Variants in BRD8 observed in about 807,000 individuals in gnomAD.
The protein encoded by BRD8 is bromodomain containing 8, also known as bromodomain-containing protein 8.
In BRD8, 67 loss-of-function variants were observed where a neutral mutation model predicts 143.1. The ratio of observed to expected loss-of-function variants is 0.47; its 90% CI spans 0.38 to 0.57. The LOEUF is 0.57. BRD8 is among the 20% of genes least tolerant of loss of function. The pLI, the probability that BRD8 is intolerant of heterozygous loss-of-function variation, is 0.00. For synonymous variants in BRD8, 505 were observed against 517.1 expected (o/e 0.98, Z 0.32); for missense variants, 1,103 against 1,503.0 (o/e 0.73, Z 4.40).
chr5:138,169,832 G>A (rs550794246), intron 7 of BRD8, among the ~76,000 whole-genome samples: 2 of 152,240 alleles, frequency 1.3e-5, no homozygotes, highest in East Asian at 1.9e-4. Flanking sequence ...GGTGGCAGCC[G>A]CCTGTAATGC....
chr5:138,159,938 C>T (rs1168763449), intron 19 of BRD8, 131 bp downstream of exon 19: 13 of 692,436 alleles, frequency 1.9e-5, no homozygotes, highest in Non-Finnish European at 3.0e-5. Context: ...CACCATCATT[C>T]TAAGATCTAT....
intron 23 of BRD8, among the ~76,000 whole-genome samples, chr5:138,149,352 C>A (rs955783397): frequency 1.3e-5 from 2 of 151,990 alleles, no homozygotes; most frequent in Non-Finnish European, 2.9e-5. Flanking sequence ...GTCCTGGGAT[C>A]AAGGGATCCT....
At position 138,165,278 on chromosome 5, in the gene BRD8, T is replaced by C. The variant is rs958384124; in HGVS notation, c.1279-112A>G. On this transcript the variant is annotated intron_variant, in intron 11 of 26. Coordinates refer to ENST00000254900, the MANE Select transcript of BRD8 (RefSeq NM_139199.2). ...ATCTGCAGCTTTTCGCTCCATTTTT[T>C]CCATGTAGTGGAGGCAAACAATGAA... 8.3e-6 allele frequency: 10 copies of C among 1,198,090 alleles called. No individual in the cohort carries two copies. In the African/African-American group the frequency reaches 1.4e-4, roughly 17 times the overall value. The allele number at this position is 1,198,090 out of a possible 1,614,324, so 74.2% of individuals were successfully genotyped here. A position where few individuals can be genotyped will look rare whatever the true frequency, so the allele number is the denominator to read the frequency against.
chr5:138,144,803 G>A (rs1752070979), intron 25 of BRD8, among the ~76,000 whole-genome samples: 1 of 150,758 alleles, frequency 6.6e-6, no homozygotes, highest in Admixed American at 6.7e-5. Flanking sequence ...TTGGGAGGCT[G>A]AGGCTGGAGA....
chr5:138,164,658 A>C, intron 12 of BRD8, 56 bp downstream of exon 12: 1 of 1,577,490 alleles, frequency 6.3e-7, no homozygotes, highest in Non-Finnish European at 8.6e-7. Flanking sequence ...CTAAGCTGTC[A>C]CTTCTTATCT....
In BRD8 at chr5:138,163,327, A is replaced by C. The variant is rs760386735; in HGVS notation, c.1890T>G (p.Asp630Glu). The change falls in exon 15 of 27, where the codon GAT (aspartate) becomes GAG (glutamate). Residue 630 changes from aspartate (D) to glutamate (E), a missense_variant. Transcript: ENST00000254900. ...CTTCACTGACACCATCTTCCTCCTC[A>C]TCCTCACCTGGGGCATCCTTAGATA... ...GSQIKDAPGE[D>E]EEEDGVSEAA... The C allele has an allele frequency of 6.2e-7, 1 of 1,614,016 alleles. No homozygotes were observed. Among genetic ancestry groups the C allele is most frequent in the South Asian group, 1.1e-5 (1 of 91,080 alleles).
Position 138,145,173 on chromosome 5 carries a change from T to G in BRD8, c.3437+4A>C, listed in dbSNP as rs376002557. 6.2e-7 allele frequency: 1 copy of G among 1,612,218 alleles called. No individual in the cohort carries two copies. Among genetic ancestry groups the G allele is most frequent in the Non-Finnish European group, 8.5e-7 (1 of 1,179,484 alleles). On this transcript the variant is annotated splice_donor_region_variant and intron_variant, in intron 25 of 26. Coordinates refer to ENST00000254900, the MANE Select transcript of BRD8 (RefSeq NM_139199.2). ...CAACCTTTCTTGACCCCTTTTTCAC[T>G]GACCTTTTCACCACATCCTTGTACC... is the stretch of plus-strand genomic sequence containing the variant.
At chr5:138,140,931 C>T (rs1460238418) in intron 25 of BRD8, 49 bp from the exon 26 acceptor site, 3 of 1,592,762 alleles carry the variant, frequency 1.9e-6, no homozygotes, top group South Asian at 1.1e-5. Flanking sequence ...TCATGTGGAA[C>T]ATATGATAAC....
Position 138,168,057 on chromosome 5 carries a change from C to T in BRD8, c.664G>A (p.Val222Met). The change falls in exon 9 of 27, where the codon GTG becomes ATG. Residue 222 changes from valine (V) to methionine (M), a missense_variant. Val to Met is a conservative substitution (Grantham distance 21, BLOSUM62 1). Coordinates refer to ENST00000254900, the MANE Select transcript of BRD8 (RefSeq NM_139199.2). The stretch of plus-strand genomic sequence containing the variant: ...GTACTGTTCAGGTGGCCAGAAGCCA[C>T]AGCCATTTCACTCTCATTGACCTAC... ...TSGVNESEMAVASGHLNSTGV... is the reference protein window; with the variant it reads ...TSGVNESEMAMASGHLNSTGV... 6.2e-7 allele frequency: 1 copy of T among 1,613,552 alleles called. No homozygotes were observed. The highest frequency in any genetic ancestry group is 8.5e-7 in the Non-Finnish European group (1 of 1,179,614).
At chr5:138,157,493 C>G in intron 20 of BRD8, 1 of 571,032 alleles carries the variant, frequency 1.8e-6, no homozygotes, top group East Asian at 3.0e-5. Flanking sequence ...ATGCCCACTA[C>G]AGAGGTCCTT....
At chr5:138,150,092 G>A (rs1752319720) in intron 22 of BRD8, among the ~76,000 whole-genome samples, 1 of 151,566 alleles carries the variant, frequency 6.6e-6, no homozygotes, top group South Asian at 2.1e-4. Context: ...TGTGGCCCTG[G>A]AGTTAACTAC....
rs753243869 is a variant in BRD8, at chr5:138,171,131, A to G, written c.266T>C (p.Val89Ala). The G allele has an allele frequency of 1.7e-5, 27 of 1,613,120 alleles. No homozygotes were observed. The highest frequency in any genetic ancestry group is 2.7e-5 in the African/African-American group (2 of 74,820). Residue 89 changes from valine (V) to alanine (A), a missense_variant, in exon 5 of 27, where the codon GTG becomes GCG. Around this residue, in one of 7 missense-constraint regions of BRD8, gnomAD observed 69 missense variants for 121.6 expected, o/e 0.57. Coordinates refer to ENST00000254900, the MANE Select transcript of BRD8 (RefSeq NM_139199.2). ...AACAATAACATCTTCAACAGTTTCC[A>G]CCACTTCTCCCTTTTCACCTCGTTT... Reference protein sequence around the residue: ...KRKRGEKGEVVETVEDVIVRK... With the variant: ...KRKRGEKGEVAETVEDVIVRK...
At chr5:138,172,221 T>C (rs1753921941) in intron 2 of BRD8, 87 bp from the exon 3 acceptor site, 1 of 1,150,948 alleles carries the variant, frequency 8.7e-7, no homozygotes, top group Non-Finnish European at 1.3e-6. Context: ...AGTTCAAACT[T>C]TGGAATAAAA....
At chr5:138,160,738 A>T (rs1012838545) in intron 18 of BRD8, among the ~76,000 whole-genome samples, 153 bp downstream of exon 18, 2 of 152,246 alleles carry the variant, frequency 1.3e-5, no homozygotes, top group African/African-American at 4.8e-5. Context: ...ACCAAAGAAA[A>T]TAAAAGTAAG....
At chr5:138,163,501 C>G in intron 14 of BRD8, 157 bp from the exon 15 acceptor site, 3 of 1,374,206 alleles carry the variant, frequency 2.2e-6, no homozygotes, top group Non-Finnish European at 3.0e-6. Flanking sequence ...CATCTACTTA[C>G]AGACACTGCG....
chr5:138,174,186 A>G (rs1242929871), intron 2 of BRD8, among the ~76,000 whole-genome samples: 1 of 150,142 alleles, frequency 6.7e-6, no homozygotes, highest in Non-Finnish European at 1.5e-5. Flanking sequence ...GTGTGTATAC[A>G]TATATATTTT....
chr5:138,176,572 A>AAATT (rs745446898), intron 2 of BRD8, among the ~76,000 whole-genome samples: 4 of 152,230 alleles, frequency 2.6e-5, no homozygotes, highest in African/African-American at 4.8e-5. Flanking sequence ...ACTCTGTCTC[A>AAATT]AATTAATTAA....
chr5:138,165,007 C>T lies in BRD8; in HGVS notation c.1438G>A (p.Val480Ile), dbSNP rs763500799. ...TCAAAGTCCAGTCTCTCTTGCTTGA[C>T]CGTCATTTCTGGTGCAGGGAGAGGT... ...PVPLPAPEMTVKQERLDFEET... is the reference protein window; with the variant it reads ...PVPLPAPEMTIKQERLDFEET... Residue 480 changes from valine (V) to isoleucine (I), a missense_variant, in exon 12 of 27, where the codon GTC becomes ATC. By Grantham distance (29) the Val-to-Ile change is conservative. Around this residue, in one of 7 missense-constraint regions of BRD8, gnomAD observed 139 missense variants for 139.0 expected, o/e 1.00. Coordinates refer to ENST00000254900, the MANE Select transcript of BRD8 (RefSeq NM_139199.2). 3.2e-5 allele frequency: 51 copies of T among 1,614,064 alleles called. No individual in the cohort carries two copies. The highest frequency in any genetic ancestry group is 4.2e-5 in the Non-Finnish European group (49 of 1,180,038).
intron 2 of BRD8, among the ~76,000 whole-genome samples, chr5:138,176,205 G>T (rs1754321615): frequency 6.6e-6 from 1 of 151,734 alleles, no homozygotes; most frequent in Non-Finnish European, 1.5e-5. Context: ...CTTAAAAAGT[G>T]TTATGTCAAG....
Sources: gnomAD v4.1 joint callset for allele counts (sites outside exome capture counted in the v4.1 genomes callset) on GRCh38, gnomAD v4.1.1 for gene constraint, gnomAD v4.1.1 regional missense constraint, MANE v1.5 for transcripts, NCBI Gene and HGNC (gene_info 2026-07-23, HGNC 2026-07-21) for gene names.